The following LRBA variants were observed in gnomAD, a reference collection of about 807,000 sequenced individuals.
LRBA encodes the protein lipopolysaccharide-responsive and beige-like anchor protein.
A neutral mutation model predicts 330.0 loss-of-function variants in LRBA; 176 were observed. The ratio of observed to expected loss-of-function variants is 0.53; its 90% CI spans 0.47 to 0.60. The LOEUF is 0.60. Among genes scored for constraint, LRBA ranks in the 20% least tolerant of loss-of-function variants. The pLI is 0.00. For missense variants in LRBA, 3,259 were observed against 3,444.8 expected, an observed-to-expected ratio of 0.95 and a Z score of 1.35; for synonymous variants, 1,230 against 1,193.0, an observed-to-expected ratio of 1.03 and a Z score of -0.64.
Position 150,645,202 on chromosome 4 carries a change from A to ATT in LRBA, c.5921+38347_5921+38348dup, listed in dbSNP as rs34452226. On this transcript the variant is annotated intron_variant, in intron 37 of 56. Coordinates refer to ENST00000651943, the MANE Select transcript of LRBA (RefSeq NM_001364905.1). Reference sequence around the variant, plus strand: ...GATTTTCCGCTAAGGGCATAGACTGATTTTTTTTTTTTTCTGAGAAAAAAA... The same window carrying ATT: ...GATTTTCCGCTAAGGGCATAGACTGATTTTTTTTTTTTTTTCTGAGAAAAAAA... Among the ~76,000 whole-genome samples, 179 of 143,668 alleles carry ATT rather than the reference A, an allele frequency of 1.2e-3. 1 individual carries two copies. The highest frequency in any genetic ancestry group is 2.8e-3 in the East Asian group (14 of 4,940). The allele number at this position is 143,668 out of a possible 152,430, so 94.3% of individuals were successfully genotyped here. A position where few individuals can be genotyped will look rare whatever the true frequency, so the allele number is the denominator to read the frequency against.
intron 38 of LRBA, among the ~76,000 whole-genome samples, chr4:150,597,778 T>A (rs1485857807): frequency 6.6e-6 from 1 of 152,078 alleles, no homozygotes; most frequent in Non-Finnish European, 1.5e-5. Flanking sequence ...AAACTATATG[T>A]ACTCTAAAAG....
intron 40 of LRBA, among the ~76,000 whole-genome samples, chr4:150,546,324 G>A (rs1765857389): frequency 6.6e-6 from 1 of 151,840 alleles, no homozygotes; most frequent in African/African-American, 2.4e-5. Context: ...TCTTAATGCT[G>A]TTATCAGTTT....
intron 36 of LRBA, 129 bp downstream of exon 36, chr4:150,735,129 A>C: frequency 1.4e-6 from 1 of 706,330 alleles, no homozygotes; most frequent in South Asian, 1.7e-5. Context: ...ACTCTCCTAT[A>C]AACCTAGATT....
At chr4:150,372,583 G>A (rs1740526316) in intron 47 of LRBA, among the ~76,000 whole-genome samples, 1 of 144,564 alleles carries the variant, frequency 6.9e-6, no homozygotes, top group Admixed American at 6.9e-5. Flanking sequence ...AAAAAGGAAA[G>A]GAAAAGAAAA....
At chr4:150,429,104 A>G (rs1750032434) in intron 46 of LRBA, among the ~76,000 whole-genome samples, 1 of 152,118 alleles carries the variant, frequency 6.6e-6, no homozygotes, top group Non-Finnish European at 1.5e-5. Context: ...ATCAATAAGC[A>G]TGAGATAAGT....
chr4:151,011,939 G>T (rs1031680322), intron 2 of LRBA, among the ~76,000 whole-genome samples: 1 of 151,862 alleles, frequency 6.6e-6, no homozygotes, highest in African/African-American at 2.4e-5. Context: ...CCAAAGCTCT[G>T]GGATTACAAG....
At chr4:150,777,253 C>G (rs78071023) in intron 34 of LRBA, among the ~76,000 whole-genome samples, 6,629 of 152,074 alleles carry the variant, frequency 0.044, 235 homozygotes, top group Non-Finnish European at 0.066. Flanking sequence ...GCCACTGCAC[C>G]GGATCTAAAT....
chr4:150,875,714 T>C (rs1285833771), intron 17 of LRBA, among the ~76,000 whole-genome samples: 3 of 151,956 alleles, frequency 2.0e-5, no homozygotes, highest in Admixed American at 6.5e-5. Flanking sequence ...AAAATAATAA[T>C]AACATTACAG....
intron 28 of LRBA, among the ~76,000 whole-genome samples, chr4:150,833,983 T>C (rs1747604662): frequency 6.6e-6 from 1 of 152,200 alleles, no homozygotes. Flanking sequence ...GGAAACCAAT[T>C]TCTTTGATTA....
Position 150,436,850 on chromosome 4 carries a change from C to A in LRBA, c.6795G>T (p.Leu2265=). ...FRDLSKPIGA[L]NPKRAAFFAE... is the part of the protein sequence containing the mutation. The stretch of plus-strand genomic sequence containing the variant: ...CGAAGAATGCTGCTCTTTTTGGGTT[C>A]AGAGCTCCTATTGGCTGCCAATAGG... Residue 2265 remains leucine, a synonymous_variant, in exon 45 of 57, where the codon CTG becomes CTT. Transcript: ENST00000651943. 6.2e-7 allele frequency: 1 copy of A among 1,613,478 alleles called. No homozygotes were observed. Among genetic ancestry groups the A allele is most frequent in the Non-Finnish European group, 8.5e-7 (1 of 1,179,750 alleles).
rs1350151488 is a variant in LRBA, at chr4:150,648,425, G to A, written c.5921+35126C>T. 2.0e-5 allele frequency among the ~76,000 whole-genome samples: 3 copies of A among 151,988 alleles called. No homozygotes were observed. The South Asian group carries it at 6.2e-4, about 32-fold the overall frequency. The stretch of plus-strand genomic sequence containing the variant: ...TGAAGGAGAAAAAAAGAGAGACTAT[G>A]CAGCAGACTACTGTTATTTAGTGGT... On this transcript the variant is annotated intron_variant, in intron 37 of 56. Transcript: ENST00000651943.
intron 48 of LRBA, among the ~76,000 whole-genome samples, chr4:150,349,265 T>C (rs560195228): frequency 6.6e-6 from 1 of 152,188 alleles, no homozygotes; most frequent in African/African-American, 2.4e-5. Flanking sequence ...CAAAGTGATA[T>C]ATAACTTGCC....
rs377479266 is a variant in LRBA, at chr4:150,788,239, ATT to A, written c.5580+9840_5580+9841del. ...AGGCACACACTACCACACCCGGTTA[ATT>A]TTTTTTTTTTTTTTTTTTTTTTTTT... On this transcript the variant is annotated intron_variant, in intron 34 of 56. Coordinates refer to ENST00000651943, the MANE Select transcript of LRBA (RefSeq NM_001364905.1). 6.5e-3 allele frequency among the ~76,000 whole-genome samples: 796 copies of A among 123,052 alleles called. 5 individuals carry two copies. The highest frequency in any genetic ancestry group is 0.024 in the African/African-American group (615 of 25,822). 80.7% of individuals were successfully genotyped at this position (123,052 alleles called of 152,430 possible).
At chr4:150,305,166 A>G (rs528074127) in intron 52 of LRBA, among the ~76,000 whole-genome samples, 1 of 152,310 alleles carries the variant, frequency 6.6e-6, no homozygotes, top group East Asian at 1.9e-4. Context: ...GTGCAGTAGG[A>G]GGCTTGCAAA....
chr4:150,702,738 T>C (rs1482509636), intron 36 of LRBA, among the ~76,000 whole-genome samples: 1 of 152,184 alleles, frequency 6.6e-6, no homozygotes, highest in African/African-American at 2.4e-5. Context: ...TATTTTAAAT[T>C]CATGCTCTTA....
chr4:150,856,881 T>C (rs1346087412), intron 22 of LRBA, among the ~76,000 whole-genome samples: 8 of 152,190 alleles, frequency 5.3e-5, no homozygotes, highest in African/African-American at 1.9e-4. Flanking sequence ...ACTTGTGAGC[T>C]AATGACTATA....
At chr4:150,805,583 A>C in intron 33 of LRBA, among the ~76,000 whole-genome samples, 1 of 137,170 alleles carries the variant, frequency 7.3e-6, no homozygotes, top group Non-Finnish European at 1.5e-5. Flanking sequence ...AAGGAAAGGA[A>C]AGGAAAGGAA....
intron 35 of LRBA, among the ~76,000 whole-genome samples, chr4:150,754,541 A>AAGAG (rs1553954470): frequency 8.4e-6 from 1 of 119,064 alleles, no homozygotes; most frequent in Non-Finnish European, 1.9e-5. Context: ...AAAAAAAAAA[A>AAGAG]AGAGAGAGAG....
intron 34 of LRBA, among the ~76,000 whole-genome samples, chr4:150,762,813 G>GCTA (rs1735276909): frequency 6.6e-6 from 1 of 151,746 alleles, no homozygotes. Context: ...GCCATGTCTG[G>GCTA]CTACTTACCA....
Sources: allele counts gnomAD v4.1 joint callset (sites outside exome capture counted in the v4.1 genomes callset), GRCh38; gene constraint gnomAD v4.1.1; transcripts MANE v1.5; gene names NCBI Gene and HGNC (gene_info 2026-07-23, HGNC 2026-07-21).